The following CCDC158 variants were observed in gnomAD, a reference collection of about 807,000 sequenced individuals.
The protein encoded by CCDC158 is coiled-coil domain containing 158.
CCDC158 carries 116 observed loss-of-function variants against 138.6 expected under a neutral mutation model. The ratio of observed to expected loss-of-function variants is 0.84; its 90% confidence interval spans 0.72 to 0.98. The LOEUF (loss-of-function observed/expected upper bound fraction) is 0.98, where lower values mean the gene tolerates loss of function less well. CCDC158 is among the 50% of genes least tolerant of loss of function. The pLI is 0.00. For synonymous variants in CCDC158, 436 were observed against 442.4 expected, an observed-to-expected ratio of 0.99 and a Z score of 0.18; for missense variants, 1,265 against 1,306.1, an observed-to-expected ratio of 0.97 and a Z score of 0.48.
intron 22 of CCDC158, among the ~76,000 whole-genome samples, chr4:76,326,789 A>C (rs904759709): frequency 6.6e-6 from 1 of 152,176 alleles, no homozygotes; most frequent in Admixed American, 6.5e-5. Context: ...TACTCAGCAA[A>C]AATATTCTTC....
At chr4:76,319,001 G>T (rs902041640) in intron 24 of CCDC158, among the ~76,000 whole-genome samples, 1 of 151,684 alleles carries the variant, frequency 6.6e-6, no homozygotes, top group East Asian at 1.9e-4. Context: ...GGCCAGGCGC[G>T]GTGGCTTACG....
chr4:76,405,764 G>A (rs188220456), intron 2 of CCDC158, among the ~76,000 whole-genome samples: 1 of 152,080 alleles, frequency 6.6e-6, no homozygotes, highest in Non-Finnish European at 1.5e-5. Context: ...CTGAGAAAAA[G>A]TAAAAGGTCA....
chr4:76,412,861 A>G (rs1470000116), intron 1 of CCDC158, among the ~76,000 whole-genome samples: 4 of 152,270 alleles, frequency 2.6e-5, no homozygotes, highest in Non-Finnish European at 4.4e-5. Context: ...CACAGATCTC[A>G]TTGGCACTAT....
chr4:76,382,327 C>T (rs1726336605), intron 8 of CCDC158, among the ~76,000 whole-genome samples: 1 of 152,114 alleles, frequency 6.6e-6, no homozygotes, highest in Non-Finnish European at 1.5e-5. Flanking sequence ...TCATAAATTA[C>T]CCAGTCTTGG....
intron 24 of CCDC158, among the ~76,000 whole-genome samples, chr4:76,321,766 A>T (rs1253918721): frequency 6.8e-6 from 1 of 146,052 alleles, no homozygotes; most frequent in Non-Finnish European, 1.5e-5. Flanking sequence ...TATATTTTTT[A>T]TATATATATA....
chr4:76,398,892 C>A (rs1167052024), intron 3 of CCDC158, among the ~76,000 whole-genome samples: 2 of 151,890 alleles, frequency 1.3e-5, no homozygotes, highest in East Asian at 1.9e-4. Context: ...GGAGAACAAA[C>A]AACCAAATAC....
chr4:76,369,465 C>T lies in CCDC158; in HGVS notation c.1308G>A (p.Lys436=), dbSNP rs1725019645. The T allele has an allele frequency of 6.2e-7, 1 of 1,614,172 alleles. No homozygotes were observed. The highest frequency in any genetic ancestry group is 8.5e-7 in the Non-Finnish European group (1 of 1,180,014). ...MEVQRLEALL[K]ALKSECQGQM... is the part of the protein sequence containing the mutation. ...GGCCCTGACACTCGCTCTTCAAGGC[C>T]TTGAGCAGGGCTTCCAGGCGCTGCA... Residue 436 remains lysine, a synonymous_variant, in exon 11 of 25, where the codon AAG becomes AAA. Transcript: ENST00000682701.
intron 4 of CCDC158, among the ~76,000 whole-genome samples, chr4:76,387,313 A>G (rs549177199): frequency 1.3e-5 from 2 of 152,194 alleles, no homozygotes; most frequent in South Asian, 4.1e-4. Context: ...ATAATTCAAG[A>G]TACACCCTGG....
chr4:76,359,784 G>A (rs1723951593), intron 13 of CCDC158, among the ~76,000 whole-genome samples: 1 of 152,208 alleles, frequency 6.6e-6, no homozygotes, highest in Admixed American at 6.5e-5. Context: ...AAGGGAAGTA[G>A]AGCATAAAAG....
chr4:76,358,540 C>T (rs1723804863), intron 13 of CCDC158, among the ~76,000 whole-genome samples: 1 of 152,194 alleles, frequency 6.6e-6, no homozygotes, highest in Non-Finnish European at 1.5e-5. Flanking sequence ...ATTCGTTTCA[C>T]TTTTGCTCCA....
intron 13 of CCDC158, among the ~76,000 whole-genome samples, chr4:76,360,869 T>A (rs1450744540): frequency 1.3e-5 from 2 of 152,140 alleles, no homozygotes; most frequent in Non-Finnish European, 2.9e-5. Context: ...TGGGAAGGCA[T>A]GATTGTGTTT....
intron 2 of CCDC158, among the ~76,000 whole-genome samples, chr4:76,403,959 G>A (rs1728612874): frequency 6.6e-6 from 1 of 152,088 alleles, no homozygotes; most frequent in Admixed American, 6.6e-5. Context: ...CATCCCCAGA[G>A]GTGAAAAAGT....
At chr4:76,367,868 ATGAATTAGGCAATGT>A in intron 11 of CCDC158, 92 bp from the exon 12 acceptor site, 1 of 1,252,748 alleles carries the variant, frequency 8.0e-7, no homozygotes, top group Non-Finnish European at 1.1e-6. Context: ...GCATGAAATC[ATGAATTAGGCAATGT>A]TTAGTAAGAT....
chr4:76,344,605 C>T lies in CCDC158; in HGVS notation c.2664+6391G>A, dbSNP rs114884820. 1,128 of 1,372,660 alleles carry T rather than the reference C, an allele frequency of 8.2e-4. 9 individuals carry two copies. The African/African-American group carries it at 0.014, about 17-fold the overall frequency. The allele number at this position is 1,372,660 out of a possible 1,614,324, so 85.0% of individuals were successfully genotyped here. A position where few individuals can be genotyped will look rare whatever the true frequency, so the allele number is the denominator to read the frequency against. On this transcript the variant is annotated intron_variant, in intron 18 of 24. Transcript: ENST00000682701. ...GATCCCTCGCTTCAGGTTGACATAC[C>T]TGATGTGCTCAGTGAGAGAGATAAA...
At chr4:76,353,662 T>A in intron 15 of CCDC158, among the ~76,000 whole-genome samples, 1 of 152,232 alleles carries the variant, frequency 6.6e-6, no homozygotes. Context: ...TTGAAAGTTT[T>A]ATGGATTTCT....
At chr4:76,351,644 G>C in intron 17 of CCDC158, 76 bp downstream of exon 17, 1 of 834,384 alleles carries the variant, frequency 1.2e-6, no homozygotes, top group Non-Finnish European at 2.0e-6. Context: ...GTGTATCTAA[G>C]GTACACAAGA....
chr4:76,360,858 T>C (rs545851712), intron 13 of CCDC158, among the ~76,000 whole-genome samples: 7 of 152,276 alleles, frequency 4.6e-5, no homozygotes, highest in East Asian at 1.9e-4. Flanking sequence ...TGGGGGACCA[T>C]TGGGAAGGCA....
At chr4:76,414,099 G>A (rs1376193120) in intron 1 of CCDC158, among the ~76,000 whole-genome samples, 1 of 152,074 alleles carries the variant, frequency 6.6e-6, no homozygotes, top group African/African-American at 2.4e-5. Flanking sequence ...AGTAGAGACG[G>A]GGTTTTGCCA....
intron 18 of CCDC158, chr4:76,345,314 C>G: frequency 9.2e-7 from 1 of 1,088,476 alleles, no homozygotes; most frequent in Non-Finnish European, 1.4e-6. Context: ...ACAGACACAC[C>G]AAAGCCCTCA....
Sources: allele counts gnomAD v4.1 joint callset (sites outside exome capture counted in the v4.1 genomes callset), GRCh38; gene constraint gnomAD v4.1.1; transcripts MANE v1.5; gene names NCBI Gene and HGNC (gene_info 2026-07-23, HGNC 2026-07-21).